The following MARCHF10 variants were observed in gnomAD, a reference collection of about 807,000 sequenced individuals.
The protein encoded by MARCHF10 is membrane associated ring-CH-type finger 10.
Under a neutral mutation model 76.2 loss-of-function variants are expected in MARCHF10, and 64 were observed. That is an observed-to-expected ratio of 0.84 (90% CI 0.69 to 1.03). The LOEUF (loss-of-function observed/expected upper bound fraction) is 1.03, where lower values mean the gene tolerates loss of function less well. Ranked by LOEUF, MARCHF10 falls within the 50% of genes least tolerant of loss-of-function variation. The pLI, the probability that MARCHF10 is intolerant of heterozygous loss-of-function variation, is 0.00. For missense variants in MARCHF10, 875 were observed against 958.0 expected, an observed-to-expected ratio of 0.91 and a Z score of 1.14; for synonymous variants, 340 against 357.5, an observed-to-expected ratio of 0.95 and a Z score of 0.55.
intron 3 of MARCHF10, among the ~76,000 whole-genome samples, chr17:62,782,030 T>C (rs1437984849): frequency 6.6e-6 from 1 of 152,190 alleles, no homozygotes; most frequent in African/African-American, 2.4e-5. Context: ...TATTTCCACC[T>C]AGGGAGGAAG....
Position 62,738,042 on chromosome 17 carries a change from T to G in MARCHF10, c.536-710A>C, listed in dbSNP as rs909772586. ...ACTGGCCAGAAGCATGCTAACTGTC[T>G]CTCTCTGTCTCTCTCTGTCACACAC... is the stretch of plus-strand genomic sequence containing the variant. On this transcript the variant is annotated intron_variant, in intron 5 of 10. Coordinates refer to ENST00000311269, the MANE Select transcript of MARCHF10 (RefSeq NM_152598.4). This position sits in a 1 kb window ranked among gnomAD's most constrained non-coding sequence, Gnocchi z 4.0. 4 of 137,018 alleles carry G rather than the reference T, an allele frequency of 2.9e-5. No homozygotes were observed. The highest frequency in any genetic ancestry group is 1.1e-4 in the African/African-American group (4 of 35,330). The allele number at this position is 137,018 out of a possible 1,614,324, so 8.5% of individuals were successfully genotyped here. A position where few individuals can be genotyped will look rare whatever the true frequency, so the allele number is the denominator to read the frequency against.
In MARCHF10 at chr17:62,712,964, C is replaced by T. The variant is rs759210729; in HGVS notation, c.2215-1620G>A. Among the ~76,000 whole-genome samples the T allele has an allele frequency of 3.9e-5, 6 of 152,006 alleles. No homozygotes were observed. Among genetic ancestry groups the T allele is most frequent in the African/African-American group, 9.7e-5 (4 of 41,400 alleles). ...TTCATCATGTTGGCCAGGCTGGTCT[C>T]GAACTCCTGGCCTCAGGTGATCCAC... is the stretch of plus-strand genomic sequence containing the variant. On this transcript the variant is annotated intron_variant, in intron 8 of 10. Transcript: ENST00000311269. This position sits in a 1 kb window ranked among gnomAD's most constrained non-coding sequence, Gnocchi z 4.2.
chr17:62,798,106 T>C (rs2093014623), intron 2 of MARCHF10, among the ~76,000 whole-genome samples: 1 of 152,156 alleles, frequency 6.6e-6, no homozygotes, highest in Non-Finnish European at 1.5e-5. Context: ...ACTCTGATGC[T>C]CTGGGGAGAC....
chr17:62,795,993 G>T (rs1040688214), intron 2 of MARCHF10, among the ~76,000 whole-genome samples: 19 of 151,482 alleles, frequency 1.3e-4, no homozygotes, highest in Non-Finnish European at 2.1e-4. Flanking sequence ...GGTCACTAAC[G>T]TCATGCAATT....
rs150389205 is a variant in MARCHF10, at chr17:62,722,641, TG to T, written c.2105-45del. On this transcript the variant is annotated intron_variant, in intron 7 of 10. Transcript: ENST00000311269. The stretch of plus-strand genomic sequence containing the variant: ...TTATATGTACATATAACCATGGGTC[TG>T]TTTGTGTTAGCACTTTGGACAGGTG... 2.7e-3 allele frequency: 4,071 copies of T among 1,528,040 alleles called. 120 individuals carry two copies. The African/African-American group carries it at 0.05, about 19-fold the overall frequency. 94.7% of individuals were successfully genotyped at this position (1,528,040 alleles called of 1,614,324 possible).
At chr17:62,781,342 T>C (rs1310886631) in intron 3 of MARCHF10, among the ~76,000 whole-genome samples, 1 of 152,182 alleles carries the variant, frequency 6.6e-6, no homozygotes, top group Non-Finnish European at 1.5e-5. Context: ...GTGTGCCACT[T>C]AGAAGTCTCC....
Position 62,736,877 on chromosome 17 carries a change from T to A in MARCHF10, c.991A>T (p.Asn331Tyr). ...GTSTPQAKNK[N>Y]FEENAENCRG... ...CAATTTTCAGCATTTTCTTCAAAAT[T>A]TTTATTTTTGGCCTGAGGGGTCGAT... Residue 331 changes from asparagine (N) to tyrosine (Y), a missense_variant, in exon 6 of 11, where the codon AAT becomes TAT. Transcript: ENST00000311269. The A allele has an allele frequency of 1.9e-6, 3 of 1,613,984 alleles. No individual in the cohort carries two copies. Among genetic ancestry groups the A allele is most frequent in the Non-Finnish European group, 2.5e-6 (3 of 1,179,906 alleles).
intron 6 of MARCHF10, chr17:62,726,200 G>A (rs1186693981): frequency 6.6e-6 from 1 of 152,228 alleles, no homozygotes; most frequent in Non-Finnish European, 1.5e-5. Context: ...AGAATAGCTG[G>A]TCGATGTTCA....
At chr17:62,723,734 T>G (rs1227107969) in intron 7 of MARCHF10, among the ~76,000 whole-genome samples, 2 of 151,988 alleles carry the variant, frequency 1.3e-5, no homozygotes, top group Non-Finnish European at 2.9e-5. Context: ...GATGTTTAAT[T>G]GGCCCAAATT....
intron 6 of MARCHF10, among the ~76,000 whole-genome samples, chr17:62,730,242 C>T (rs2090964667): frequency 6.6e-6 from 1 of 151,682 alleles, no homozygotes. Context: ...AAAACAAAAC[C>T]ATAAATCAAC....
chr17:62,805,843 C>T (rs767701079), intron 1 of MARCHF10, among the ~76,000 whole-genome samples: 16 of 151,644 alleles, frequency 1.1e-4, no homozygotes, highest in Admixed American at 5.9e-4. Flanking sequence ...ACCTGGAAGG[C>T]GGAGGTTGCA....
Position 62,735,923 on chromosome 17 carries a change from GTCC to G in MARCHF10, c.1937+5_1937+7del. 1 of 1,591,660 alleles carries G rather than the reference GTCC, an allele frequency of 6.3e-7. No individual in the cohort carries two copies. The highest frequency in any genetic ancestry group is 8.5e-7 in the Non-Finnish European group (1 of 1,174,968). ...TGGAAAAAATATATAATTATGAAAAGTCCTCACCTTTCTTGCAATTTCTTGAGT... is the reference window on the plus strand; with the variant it reads ...TGGAAAAAATATATAATTATGAAAAGTCACCTTTCTTGCAATTTCTTGAGT... On this transcript the variant is annotated splice_donor_5th_base_variant and intron_variant, in intron 6 of 10. Coordinates refer to ENST00000311269, the MANE Select transcript of MARCHF10 (RefSeq NM_152598.4).
chr17:62,711,458 C>T lies in MARCHF10; in HGVS notation c.2215-114G>A. The T allele has an allele frequency of 2.1e-6, 2 of 970,396 alleles. No individual in the cohort carries two copies. The highest frequency in any genetic ancestry group is 1.6e-5 in the African/African-American group (1 of 61,970). The allele number at this position is 970,396 out of a possible 1,614,324, so 60.1% of individuals were successfully genotyped here. On this transcript the variant is annotated intron_variant, in intron 8 of 10. Transcript: ENST00000311269. The surrounding 1 kb of genome is among the most constrained non-coding windows in gnomAD (Gnocchi z 4.4). Reference sequence around the variant, plus strand: ...ACAAGAACTGGGAGAAGAGCCCAAGCTCCAAGGCAAGGCCTGCTCTTGGGG... The same window carrying T: ...ACAAGAACTGGGAGAAGAGCCCAAGTTCCAAGGCAAGGCCTGCTCTTGGGG...
At chr17:62,746,751 A>G (rs1403535293) in intron 4 of MARCHF10, 4 of 779,912 alleles carry the variant, frequency 5.1e-6, no homozygotes, top group Non-Finnish European at 8.2e-6. Flanking sequence ...GAGGATAAGA[A>G]TTTCACTTTG....
At chr17:62,775,334 C>G (rs2092531313) in intron 3 of MARCHF10, among the ~76,000 whole-genome samples, 1 of 152,034 alleles carries the variant, frequency 6.6e-6, no homozygotes, top group South Asian at 2.1e-4. Context: ...CCATGTTGCC[C>G]AGGCTGGCCT....
chr17:62,796,180 T>C (rs2092982535), intron 2 of MARCHF10, among the ~76,000 whole-genome samples: 1 of 152,050 alleles, frequency 6.6e-6, no homozygotes, highest in Non-Finnish European at 1.5e-5. Context: ...GTTTTTGTAT[T>C]TTTAGTAGAG....
intron 2 of MARCHF10, among the ~76,000 whole-genome samples, chr17:62,794,181 A>C (rs2148171422): frequency 1.6e-5 from 2 of 121,620 alleles, no homozygotes; most frequent in Non-Finnish European, 3.5e-5. Flanking sequence ...ACCACCACAA[A>C]CACCATCACA....
rs765154452 is a variant in MARCHF10, at chr17:62,736,984, G to T, written c.884C>A (p.Thr295Asn). 24 of 1,614,012 alleles carry T rather than the reference G, an allele frequency of 1.5e-5. No homozygotes were observed. The highest frequency in any genetic ancestry group is 2.0e-5 in the Non-Finnish European group (24 of 1,180,028). ...AACCCACAGACATTCTTCAGACTGG[G>T]TTTCCTCTTCAGTGTCATCGCTTTC... The part of the protein sequence containing the change: ...RRESDDTEEE[T>N]QSEECLWVGV... The change falls in exon 6 of 11, where the codon ACC becomes AAC. Residue 295 changes from threonine (T) to asparagine (N), a missense_variant. By Grantham distance (65) the Thr-to-Asn change is moderately conservative. Coordinates refer to ENST00000311269, the MANE Select transcript of MARCHF10 (RefSeq NM_152598.4).
chr17:62,792,140 G>C (rs1450454608), intron 2 of MARCHF10, among the ~76,000 whole-genome samples: 1 of 151,744 alleles, frequency 6.6e-6, no homozygotes, highest in Non-Finnish European at 1.5e-5. Context: ...CACCCCCCTA[G>C]TGCGTCCCCC....
Sources: allele counts gnomAD v4.1 joint callset (sites outside exome capture counted in the v4.1 genomes callset), GRCh38; gene constraint gnomAD v4.1.1; non-coding constraint Gnocchi (gnomAD v3.1); transcripts MANE v1.5; gene names NCBI Gene and HGNC (gene_info 2026-07-23, HGNC 2026-07-21).